The following SENP7 variants were observed in gnomAD, a reference collection of about 807,000 sequenced individuals.
The protein encoded by SENP7 is sentrin-specific protease 7.
SENP7 carries 64 observed loss-of-function variants against 141.2 expected under a neutral mutation model. The ratio of observed to expected loss-of-function variants is 0.45; its 90% CI spans 0.37 to 0.56. The LOEUF is 0.56. Among genes scored for constraint, SENP7 ranks in the 20% least tolerant of loss-of-function variants. The pLI is 0.00. For missense variants in SENP7, 1,025 were observed against 1,212.2 expected, an observed-to-expected ratio of 0.85 and a Z score of 2.29; for synonymous variants, 382 against 426.4, an observed-to-expected ratio of 0.90 and a Z score of 1.28.
intron 3 of SENP7, among the ~76,000 whole-genome samples, chr3:101,493,198 C>T (rs111671296): frequency 7.9e-5 from 12 of 152,184 alleles, no homozygotes; most frequent in African/African-American, 1.9e-4. Flanking sequence ...GATCAGAACA[C>T]GCGGACACAT....
At chr3:101,486,443 G>A (rs1286983255) in intron 3 of SENP7, among the ~76,000 whole-genome samples, 1 of 152,112 alleles carries the variant, frequency 6.6e-6, no homozygotes, top group African/African-American at 2.4e-5. Context: ...AAGGGAATTG[G>A]GGCTATCTTC....
At chr3:101,443,631 A>C (rs2062768384) in intron 4 of SENP7, among the ~76,000 whole-genome samples, 1 of 151,374 alleles carries the variant, frequency 6.6e-6, no homozygotes. Flanking sequence ...TTCATTGAGC[A>C]GTGGTTTGTA....
At chr3:101,355,212 T>C (rs779253618) in intron 11 of SENP7, among the ~76,000 whole-genome samples, 1 of 152,212 alleles carries the variant, frequency 6.6e-6, no homozygotes, top group South Asian at 2.1e-4. Context: ...AGAAGTTCTT[T>C]AGTTTAACTA....
intron 3 of SENP7, among the ~76,000 whole-genome samples, chr3:101,490,100 G>A (rs2064902882): frequency 6.6e-6 from 1 of 151,792 alleles, no homozygotes; most frequent in East Asian, 1.9e-4. Flanking sequence ...GGGAGAAATC[G>A]CTTGAATCCG....
chr3:101,462,920 T>G (rs2063596599), intron 3 of SENP7, among the ~76,000 whole-genome samples: 1 of 151,820 alleles, frequency 6.6e-6, no homozygotes, highest in Non-Finnish European at 1.5e-5. Context: ...ATAAACTACA[T>G]TCATCAAAAT....
intron 23 of SENP7, among the ~76,000 whole-genome samples, chr3:101,327,298 G>A (rs1235637858): frequency 6.6e-6 from 1 of 151,954 alleles, no homozygotes; most frequent in Non-Finnish European, 1.5e-5. Flanking sequence ...CACTGTGGTG[G>A]GAGGGACCTG....
At chr3:101,327,031 AT>A (rs377204007) in intron 23 of SENP7, among the ~76,000 whole-genome samples, 30 of 149,072 alleles carry the variant, frequency 2.0e-4, no homozygotes, top group South Asian at 2.1e-4. Context: ...CGTCTATTTG[AT>A]TTTTTTTTTG....
At chr3:101,367,154 C>T (rs2553423) in intron 8 of SENP7, among the ~76,000 whole-genome samples, 137,944 of 152,200 alleles carry the variant, frequency 0.91, 62,631 homozygotes, top group East Asian at 1. Context: ...ATTTAAAAAT[C>T]AACAATATAA....
At chr3:101,473,742 G>T (rs1329359564) in intron 3 of SENP7, among the ~76,000 whole-genome samples, 1 of 152,122 alleles carries the variant, frequency 6.6e-6, no homozygotes, top group Non-Finnish European at 1.5e-5. Context: ...AGTTTAGTTA[G>T]ATCCCATTTG....
chr3:101,351,615 T>C lies in SENP7; in HGVS notation c.1657+3A>G, dbSNP rs777865487. The C allele has an allele frequency of 1.5e-6, 2 of 1,355,404 alleles. No homozygotes were observed. Among genetic ancestry groups the C allele is most frequent in the East Asian group, 2.8e-5 (1 of 36,018 alleles). 84.0% of individuals were successfully genotyped at this position (1,355,404 alleles called of 1,614,324 possible). A position where few individuals can be genotyped will look rare whatever the true frequency, so the allele number is the denominator to read the frequency against. On this transcript the variant is annotated splice_donor_region_variant and intron_variant, in intron 12 of 23. Transcript: ENST00000394095. ...ACAAGTTCATAAGAGAATGATAACT[T>C]ACCTTGAAATGGGATCTTAATATAT...
chr3:101,448,543 G>C (rs889865739), intron 4 of SENP7, among the ~76,000 whole-genome samples: 3 of 149,846 alleles, frequency 2.0e-5, no homozygotes, highest in African/African-American at 5.0e-5. Context: ...AGCAGATGTT[G>C]CTGCCTGATC....
chr3:101,339,854 C>T (rs1248440267), intron 16 of SENP7, among the ~76,000 whole-genome samples: 1 of 152,030 alleles, frequency 6.6e-6, no homozygotes, highest in Non-Finnish European at 1.5e-5. Context: ...CAAAAACTAA[C>T]AAAAGCTAAA....
chr3:101,505,675 A>G (rs996248369), intron 1 of SENP7, among the ~76,000 whole-genome samples: 13 of 152,306 alleles, frequency 8.5e-5, no homozygotes, highest in Admixed American at 7.2e-4. Context: ...TCAAGAGTAC[A>G]TATTTTAAAG....
At position 101,414,473 on chromosome 3, in the gene SENP7, G is replaced by C; in HGVS notation, c.482+3120C>G. The C allele has an allele frequency of 3.4e-6, 5 of 1,484,808 alleles. No homozygotes were observed. The East Asian group carries it at 1.1e-4, about 34-fold the overall frequency. The allele number at this position is 1,484,808 out of a possible 1,614,324, so 92.0% of individuals were successfully genotyped here. A position where few individuals can be genotyped will look rare whatever the true frequency, so the allele number is the denominator to read the frequency against. ...CACCTGGCCCAGTGTACCACGCAATGCAACAACAAAGCCAAAGATTCAATA... is the reference window on the plus strand; with the variant it reads ...CACCTGGCCCAGTGTACCACGCAATCCAACAACAAAGCCAAAGATTCAATA... On this transcript the variant is annotated intron_variant, in intron 5 of 23. Transcript: ENST00000394095.
chr3:101,508,572 C>T (rs1042741414), intron 1 of SENP7, among the ~76,000 whole-genome samples: 1 of 151,504 alleles, frequency 6.6e-6, no homozygotes, highest in Non-Finnish European at 1.5e-5. Context: ...GCACTCCAGC[C>T]TGGGGGGCAG....
chr3:101,443,200 A>G (rs1403084371), intron 4 of SENP7, among the ~76,000 whole-genome samples: 1 of 152,320 alleles, frequency 6.6e-6, no homozygotes, highest in African/African-American at 2.4e-5. Context: ...CATTTATTAA[A>G]TAGGGAATCC....
rs1011074758 is a variant in SENP7, at chr3:101,457,297, C to T, written c.284+1658G>A. ...AAATTCTCCACAAGATCAGGAACTT[C>T]ATCATCATCATCCTCCCCAGTAGCA... On this transcript the variant is annotated intron_variant, in intron 4 of 23. Transcript: ENST00000394095. The T allele has an allele frequency of 4.1e-6, 6 of 1,470,476 alleles. No individual in the cohort carries two copies. The East Asian group carries it at 1.4e-4, about 33-fold the overall frequency. The allele number at this position is 1,470,476 out of a possible 1,614,324, so 91.1% of individuals were successfully genotyped here. A position where few individuals can be genotyped will look rare whatever the true frequency, so the allele number is the denominator to read the frequency against.
chr3:101,445,990 T>C (rs887865792), intron 4 of SENP7, among the ~76,000 whole-genome samples: 9 of 152,090 alleles, frequency 5.9e-5, no homozygotes, highest in African/African-American at 2.2e-4. Flanking sequence ...CCCACCCAAA[T>C]CTCATGTCAT....
intron 3 of SENP7, among the ~76,000 whole-genome samples, chr3:101,472,944 T>C (rs1265717282): frequency 6.6e-6 from 1 of 152,156 alleles, no homozygotes; most frequent in Non-Finnish European, 1.5e-5. Flanking sequence ...TAGCATGTGT[T>C]GTCCCCTTCT....
Sources: allele counts gnomAD v4.1 joint callset (sites outside exome capture counted in the v4.1 genomes callset), GRCh38; gene constraint gnomAD v4.1.1; transcripts MANE v1.5; gene names NCBI Gene and HGNC (gene_info 2026-07-23, HGNC 2026-07-21).